The following GRID2 variants were observed in gnomAD, a reference collection of about 807,000 sequenced individuals.
The protein encoded by GRID2 is glutamate ionotropic receptor delta type subunit 2, also known as glutamate receptor ionotropic, delta-2.
GRID2 carries 33 observed loss-of-function variants against 114.8 expected under a neutral mutation model. The observed-to-expected ratio is 0.29, with a 90% confidence interval of 0.22 to 0.38. GRID2 has a LOEUF of 0.38. Among genes scored for constraint, GRID2 ranks in the 10% least tolerant of loss-of-function variants. The pLI, the probability that GRID2 is intolerant of heterozygous loss-of-function variation, is 1.00. For missense variants in GRID2, 1,184 were observed against 1,257.7 expected (o/e 0.94, Z 0.89); for synonymous variants, 505 against 449.9 (o/e 1.12, Z -1.55).
chr4:92,659,053 C>T (rs899298834), intron 2 of GRID2, among the ~76,000 whole-genome samples: 2 of 133,542 alleles, frequency 1.5e-5, no homozygotes, highest in African/African-American at 5.3e-5. Flanking sequence ...TTCTGTGCCC[C>T]AATAGATTAC....
intron 4 of GRID2, among the ~76,000 whole-genome samples, chr4:93,157,027 C>T (rs963325153): frequency 6.6e-6 from 1 of 151,706 alleles, no homozygotes; most frequent in East Asian, 1.9e-4. Context: ...AGAGCACAAA[C>T]AAAAGAATGA....
intron 14 of GRID2, among the ~76,000 whole-genome samples, chr4:93,660,278 T>G (rs1379435577): frequency 6.6e-6 from 1 of 152,198 alleles, no homozygotes; most frequent in Non-Finnish European, 1.5e-5. Flanking sequence ...TTATACCATT[T>G]TAAAGTGAAA....
chr4:92,434,534 A>G (rs1008152001), intron 1 of GRID2, among the ~76,000 whole-genome samples: 8 of 152,150 alleles, frequency 5.3e-5, no homozygotes, highest in African/African-American at 1.9e-4. Flanking sequence ...TAGGTGTCAT[A>G]TATTTAGGTC....
intron 2 of GRID2, among the ~76,000 whole-genome samples, chr4:92,663,574 C>G (rs947391563): frequency 6.6e-6 from 1 of 151,316 alleles, no homozygotes; most frequent in Non-Finnish European, 1.5e-5. Flanking sequence ...ATCAATTTCA[C>G]AAACATATCT....
chr4:93,042,247 ATCTCTCTCTCTCTCTCTCTCTCTCTCTT>A (rs1193050075), intron 2 of GRID2, among the ~76,000 whole-genome samples: 2 of 121,726 alleles, frequency 1.6e-5, no homozygotes, highest in African/African-American at 3.3e-5. Flanking sequence ...TATATTTTAA[ATCTCTCTCTCTCTCTCTCTCTCTCTCTT>A]TCTCTCTCTC....
At chr4:92,310,001 G>GAA (rs201179324) in intron 1 of GRID2, among the ~76,000 whole-genome samples, 2 of 148,846 alleles carry the variant, frequency 1.3e-5, no homozygotes, top group Non-Finnish European at 3.0e-5. Flanking sequence ...GAGTTGTGGG[G>GAA]AAAAAAAAAC....
At chr4:92,416,087 T>C (rs1437860800) in intron 1 of GRID2, among the ~76,000 whole-genome samples, 1 of 152,054 alleles carries the variant, frequency 6.6e-6, no homozygotes, top group Non-Finnish European at 1.5e-5. Flanking sequence ...TAATTTTTAC[T>C]TATGGCCATT....
chr4:92,987,289 C>A (rs1754564035), intron 2 of GRID2, among the ~76,000 whole-genome samples: 1 of 151,990 alleles, frequency 6.6e-6, no homozygotes, highest in South Asian at 2.1e-4. Flanking sequence ...AAGGTACAGG[C>A]AATGTTGATA....
chr4:93,122,898 T>TTTTTTG (rs1733923029), intron 4 of GRID2, among the ~76,000 whole-genome samples: 1 of 147,858 alleles, frequency 6.8e-6, no homozygotes, highest in African/African-American at 2.5e-5. Context: ...GGGTTTTTTT[T>TTTTTTG]TTTTTTTTTT....
chr4:93,706,931 T>G (rs1463155799), intron 14 of GRID2, among the ~76,000 whole-genome samples: 1 of 152,056 alleles, frequency 6.6e-6, no homozygotes, highest in African/African-American at 2.4e-5. Context: ...GGAATATTGG[T>G]CAAATGCCTT....
intron 8 of GRID2, among the ~76,000 whole-genome samples, chr4:93,336,869 TTTTA>T (rs1194975464): frequency 6.6e-6 from 1 of 152,086 alleles, no homozygotes; most frequent in Non-Finnish European, 1.5e-5. Flanking sequence ...GGTTCTTTAT[TTTTA>T]TTTATAGTTG....
intron 1 of GRID2, among the ~76,000 whole-genome samples, chr4:92,533,370 T>G (rs1725447542): frequency 1.3e-5 from 2 of 152,042 alleles, no homozygotes; most frequent in South Asian, 2.1e-4. Context: ...AAAAAGCAGT[T>G]GGCTTTTAAC....
At chr4:93,745,499 CTT>C (rs201508379) in intron 14 of GRID2, among the ~76,000 whole-genome samples, 1 of 148,532 alleles carries the variant, frequency 6.7e-6, no homozygotes, top group Non-Finnish European at 1.5e-5. Flanking sequence ...GATGAGGAAT[CTT>C]TTTTTTTTGG....
At chr4:93,125,892 T>G (rs2149368045) in intron 4 of GRID2, among the ~76,000 whole-genome samples, 1 of 152,368 alleles carries the variant, frequency 6.6e-6, no homozygotes, top group Admixed American at 6.5e-5. Flanking sequence ...TCTTCACTGC[T>G]TATGACAGGC....
intron 2 of GRID2, among the ~76,000 whole-genome samples, chr4:93,082,298 C>T (rs1470496278): frequency 1.3e-5 from 2 of 152,122 alleles, no homozygotes; most frequent in African/African-American, 4.8e-5. Flanking sequence ...CTTTACTTCG[C>T]TATGCAAAAT....
intron 2 of GRID2, among the ~76,000 whole-genome samples, chr4:92,765,413 G>A (rs1048169709): frequency 6.6e-6 from 1 of 152,056 alleles, no homozygotes; most frequent in Non-Finnish European, 1.5e-5. Context: ...TATGGGTAAG[G>A]ATAATGGAAA....
intron 4 of GRID2, among the ~76,000 whole-genome samples, chr4:93,136,145 A>G (rs1373497908): frequency 6.6e-6 from 1 of 152,080 alleles, no homozygotes; most frequent in Non-Finnish European, 1.5e-5. Context: ...CCAACGTCAC[A>G]CCACAGATTT....
chr4:92,660,830 G>T (rs556792317), intron 2 of GRID2, among the ~76,000 whole-genome samples: 12 of 151,234 alleles, frequency 7.9e-5, no homozygotes, highest in Admixed American at 6.6e-4. Context: ...AACAAGGGAT[G>T]ATTTCATTGT....
chr4:92,443,909 C>T (rs1239796334), intron 1 of GRID2, among the ~76,000 whole-genome samples: 1 of 152,026 alleles, frequency 6.6e-6, no homozygotes, highest in Non-Finnish European at 1.5e-5. Context: ...AGTTTTGGGT[C>T]CACAGATAAA....
Sources: allele counts gnomAD v4.1 joint callset (sites outside exome capture counted in the v4.1 genomes callset), GRCh38; gene constraint gnomAD v4.1.1; transcripts MANE v1.5; gene names NCBI Gene and HGNC (gene_info 2026-07-23, HGNC 2026-07-21).